NLGN4X: variants seen among roughly 807,000 people sequenced by gnomAD.
The protein encoded by NLGN4X is neuroligin 4 X-linked.
A neutral mutation model predicts 40.3 loss-of-function variants in NLGN4X; 3 were observed. The observed-to-expected ratio is 0.07, with a 90% CI of 0.03 to 0.19. NLGN4X has a LOEUF of 0.19. Ranked by LOEUF, NLGN4X falls within the 10% of genes least tolerant of loss-of-function variation. The probability of loss-of-function intolerance (pLI) is 1.00; values close to 1 mark genes in which losing one functional copy is unlikely to be tolerated. For synonymous variants in NLGN4X, 270 were observed against 306.8 expected (o/e 0.88, Z 1.25); for missense variants, 382 against 708.3 (o/e 0.54, Z 5.23).
intron 1 of NLGN4X, among the ~76,000 whole-genome samples, chrX:6,227,408 A>C (rs769121687): frequency 9.2e-6 from 1 of 108,223 alleles, no homozygotes; most frequent in African/African-American, 3.4e-5. Context: ...CCCGAGACCC[A>C]GACCAGGGCT....
At chrX:6,183,022 G>C (rs1921631810) in intron 1 of NLGN4X, among the ~76,000 whole-genome samples, 2 of 112,187 alleles carry the variant, frequency 1.8e-5, no homozygotes, top group Non-Finnish European at 3.8e-5. Context: ...GTATACAGGA[G>C]GGATGAAACA....
At chrX:5,994,058 G>C (rs1315011851) in intron 3 of NLGN4X, among the ~76,000 whole-genome samples, 3 of 111,867 alleles carry the variant, frequency 2.7e-5, no homozygotes, top group Non-Finnish European at 5.6e-5. Context: ...TCTCCTCTTA[G>C]TGAGGAAAGA....
At chrX:5,897,580 C>T (rs889291490) in intron 5 of NLGN4X, among the ~76,000 whole-genome samples, 1 of 111,908 alleles carries the variant, frequency 8.9e-6, no homozygotes, top group Non-Finnish European at 1.9e-5. Flanking sequence ...CATTGAAACA[C>T]CTCCTTGCTA....
intron 2 of NLGN4X, among the ~76,000 whole-genome samples, chrX:6,142,533 TTTAA>T (rs2039969755): frequency 8.9e-6 from 1 of 112,581 alleles, no homozygotes; most frequent in African/African-American, 3.2e-5. Context: ...ACTGGAGTAA[TTTAA>T]TTATTTTCAC....
At chrX:6,031,593 C>A (rs1411994051) in intron 2 of NLGN4X, among the ~76,000 whole-genome samples, 2 of 111,406 alleles carry the variant, frequency 1.8e-5, no homozygotes, top group Non-Finnish European at 3.8e-5. Context: ...GCTTGACCAG[C>A]AAGGATAATT....
rs868005603 is a variant in NLGN4X at position 6,031,085 on chromosome X, A to C, written c.473-1653T>G. On this transcript the variant is annotated intron_variant, in intron 2 of 5. Coordinates refer to ENST00000381095, the MANE Select transcript of NLGN4X (RefSeq NM_181332.3). ...AATAACCAGCTGTTATATTAATGCA[A>C]AGTCAAAAAATCATAACTTAACAAT... Among the ~76,000 whole-genome samples, 4 of 112,225 alleles carry C rather than the reference A, an allele frequency of 3.6e-5. No homozygotes were observed. The Middle Eastern group carries it at 0.014, about 391-fold the overall frequency.
chrX:5,931,374 T>C (rs906919062), intron 3 of NLGN4X, among the ~76,000 whole-genome samples: 5 of 112,311 alleles, frequency 4.5e-5, no homozygotes, highest in Non-Finnish European at 7.5e-5. Context: ...TTTTTAGAAA[T>C]AGATGAAAGC....
chrX:6,104,071 C>T (rs936191399), intron 2 of NLGN4X, among the ~76,000 whole-genome samples: 23 of 111,604 alleles, frequency 2.1e-4, no homozygotes, highest in African/African-American at 6.9e-4. Context: ...AAACTAACTT[C>T]TGAATCTGTT....
At chrX:5,981,280 T>C (rs2035379971) in intron 3 of NLGN4X, among the ~76,000 whole-genome samples, 1 of 111,255 alleles carries the variant, frequency 9.0e-6, no homozygotes, top group Non-Finnish European at 1.9e-5. Context: ...AATCTAAACA[T>C]TCTGAAACTT....
At chrX:5,897,884 C>G (rs1467416763) in intron 5 of NLGN4X, among the ~76,000 whole-genome samples, 1 of 106,070 alleles carries the variant, frequency 9.4e-6, no homozygotes, top group Non-Finnish European at 2.0e-5. Context: ...CCCTCCCTCC[C>G]TCCTTCTTTC....
At chrX:6,039,628 C>A (rs756666672) in intron 2 of NLGN4X, among the ~76,000 whole-genome samples, 1 of 112,240 alleles carries the variant, frequency 8.9e-6, no homozygotes, top group African/African-American at 3.2e-5. Flanking sequence ...TGGCCCTTAC[C>A]CTGTTGCCAA....
chrX:5,973,380 T>C (rs1201937669), intron 3 of NLGN4X, among the ~76,000 whole-genome samples: 2 of 112,741 alleles, frequency 1.8e-5, no homozygotes, highest in Non-Finnish European at 3.7e-5. Context: ...TTCACTGACC[T>C]GAGACAGACA....
intron 3 of NLGN4X, among the ~76,000 whole-genome samples, chrX:6,021,612 C>T (rs769605926): frequency 9.8e-6 from 1 of 101,854 alleles, no homozygotes; most frequent in African/African-American, 3.6e-5. Flanking sequence ...AAGACCTGTC[C>T]ACACCTATCA....
intron 3 of NLGN4X, among the ~76,000 whole-genome samples, chrX:6,026,283 G>C (rs1036772955): frequency 9.1e-6 from 1 of 109,798 alleles, no homozygotes; most frequent in African/African-American, 3.3e-5. Flanking sequence ...CATTCCTCAG[G>C]TAGGAAGATA....
intron 5 of NLGN4X, among the ~76,000 whole-genome samples, chrX:5,902,740 A>G (rs1264073006): frequency 6.2e-5 from 7 of 112,315 alleles, no homozygotes; most frequent in Non-Finnish European, 1.1e-4. Flanking sequence ...TGTTAACAGA[A>G]CCATCATATA....
chrX:6,157,615 G>C (rs766688006), intron 1 of NLGN4X, among the ~76,000 whole-genome samples: 4 of 111,741 alleles, frequency 3.6e-5, no homozygotes, highest in Non-Finnish European at 7.5e-5. Flanking sequence ...TCAAGGCATG[G>C]TAGATTCAGT....
At chrX:6,216,024 G>C (rs868780300) in intron 1 of NLGN4X, among the ~76,000 whole-genome samples, 1 of 110,311 alleles carries the variant, frequency 9.1e-6, no homozygotes, top group Admixed American at 9.7e-5. Flanking sequence ...CTACAGGCAC[G>C]TGCCACCACA....
At chrX:6,069,486 T>C (rs753907558) in intron 2 of NLGN4X, among the ~76,000 whole-genome samples, 13 of 111,571 alleles carry the variant, frequency 1.2e-4, no homozygotes, top group Non-Finnish European at 2.4e-4. Flanking sequence ...AAATTGAAAA[T>C]TTAAACAATG....
At chrX:6,062,002 C>T (rs190579499) in intron 2 of NLGN4X, among the ~76,000 whole-genome samples, 1 of 111,998 alleles carries the variant, frequency 8.9e-6, no homozygotes, top group African/African-American at 3.2e-5. Flanking sequence ...ACCATCGACA[C>T]TATCTAGGCT....
Sources: gnomAD v4.1 joint callset for allele counts (sites outside exome capture counted in the v4.1 genomes callset) on GRCh38, gnomAD v4.1.1 for gene constraint, MANE v1.5 for transcripts, NCBI Gene and HGNC (gene_info 2026-07-23, HGNC 2026-07-21) for gene names.